ERCC6L2: variants seen among roughly 807,000 people sequenced by gnomAD.
The protein encoded by ERCC6L2 is DNA excision repair protein ERCC-6-like 2.
ERCC6L2 carries 77 observed loss-of-function variants against 132.0 expected under a neutral mutation model. The observed-to-expected ratio is 0.58, with a 90% CI of 0.49 to 0.71. The LOEUF is 0.71. ERCC6L2 is among the 30% of genes least tolerant of loss of function. The pLI is 0.00. For missense variants in ERCC6L2, 1,542 were observed against 1,837.6 expected (o/e 0.84, Z 2.94); for synonymous variants, 583 against 632.4 (o/e 0.92, Z 1.17).
At chr9:95,922,720 T>C (rs938413220) in intron 8 of ERCC6L2, among the ~76,000 whole-genome samples, 1 of 152,160 alleles carries the variant, frequency 6.6e-6, no homozygotes, top group South Asian at 2.1e-4. Context: ...GTTCTATTCC[T>C]CTAATAATGT....
intron 17 of ERCC6L2, among the ~76,000 whole-genome samples, chr9:96,003,198 A>AT (rs1833749019): frequency 6.6e-6 from 1 of 152,098 alleles, no homozygotes; most frequent in Non-Finnish European, 1.5e-5. Flanking sequence ...GCTCAATTTC[A>AT]TGATGGTAGG....
chr9:95,983,612 A>G (rs767706046), intron 17 of ERCC6L2, among the ~76,000 whole-genome samples: 111 of 152,336 alleles, frequency 7.3e-4, no homozygotes, highest in Admixed American at 1.8e-3. Context: ...TCTGAAAACC[A>G]TAGTATCAAT....
chr9:95,960,049 G>T (rs1214621115), intron 13 of ERCC6L2, among the ~76,000 whole-genome samples: 1 of 151,990 alleles, frequency 6.6e-6, no homozygotes, highest in Non-Finnish European at 1.5e-5. Context: ...TATCCCATTT[G>T]GACCAAATTA....
chr9:95,973,674 A>G (rs570994751), intron 16 of ERCC6L2, among the ~76,000 whole-genome samples: 1 of 152,248 alleles, frequency 6.6e-6, no homozygotes, highest in South Asian at 2.1e-4. Context: ...TGCCCCCATC[A>G]TTCAGTTACC....
intron 17 of ERCC6L2, among the ~76,000 whole-genome samples, chr9:95,989,357 G>T (rs535876512): frequency 4.9e-4 from 75 of 152,280 alleles, no homozygotes; most frequent in African/African-American, 1.8e-3. Flanking sequence ...CTCCTAGGGG[G>T]CTGCCAGCCA....
At chr9:96,026,908 CAA>C (rs1217135334) in intron 19 of ERCC6L2, among the ~76,000 whole-genome samples, 2 of 118,266 alleles carry the variant, frequency 1.7e-5, no homozygotes, top group Admixed American at 8.5e-5. Flanking sequence ...CACACTACAC[CAA>C]ACACACCACA....
chr9:95,958,724 A>T (rs550147833), intron 13 of ERCC6L2, among the ~76,000 whole-genome samples: 355 of 152,258 alleles, frequency 2.3e-3, no homozygotes, highest in Non-Finnish European at 4.1e-3. Context: ...GCATTCTCAT[A>T]CACCAATAAC....
intron 2 of ERCC6L2, among the ~76,000 whole-genome samples, chr9:95,888,101 CTT>C (rs1480709066): frequency 1.4e-5 from 2 of 144,762 alleles, no homozygotes; most frequent in South Asian, 4.6e-4. Flanking sequence ...AGCAAAAATA[CTT>C]TTGAAGTGTG....
At chr9:95,907,855 A>ACACACAC (rs1268642228) in intron 4 of ERCC6L2, among the ~76,000 whole-genome samples, 5 of 103,676 alleles carry the variant, frequency 4.8e-5, no homozygotes, top group African/African-American at 1.5e-4. Flanking sequence ...ACACACACAC[A>ACACACAC]CCCCCACACC....
At position 96,016,980 on chromosome 9, in the gene ERCC6L2, G is replaced by T. The variant is rs1340059808; in HGVS notation, c.*3777G>T. 6.6e-6 allele frequency among the ~76,000 whole-genome samples: 1 copy of T among 152,148 alleles called. No homozygotes were observed. Among genetic ancestry groups the T allele is most frequent in the Non-Finnish European group, 1.5e-5 (1 of 68,032 alleles). ...CAAATCCAGCTAACAGTGGATCTAGGATCTAGGCCTCACCGAGGATGTCAC... is the reference window on the plus strand; with the variant it reads ...CAAATCCAGCTAACAGTGGATCTAGTATCTAGGCCTCACCGAGGATGTCAC... On this transcript the variant is annotated 3_prime_UTR_variant, in exon 19 of 19. Coordinates refer to ENST00000653738, the MANE Select transcript of ERCC6L2 (RefSeq NM_020207.7).
Position 95,928,750 on chromosome 9 carries a change from C to T in ERCC6L2, c.1637C>T (p.Ala546Val), listed in dbSNP as rs538392483. The change falls in exon 11 of 19, where the codon GCG (alanine) becomes GTG (valine). Residue 546 changes from alanine (A) to valine (V), a missense_variant. By Grantham distance (64) the Ala-to-Val change is moderately conservative. Transcript: ENST00000653738. ...LLDVLQQYCM[A>V]SGLDYRRLDG... Reference sequence around the variant, plus strand: ...GACGTGCTACAGCAGTACTGTATGGCGTCTGGGCTTGATTACCGACGACTT... The same window carrying T: ...GACGTGCTACAGCAGTACTGTATGGTGTCTGGGCTTGATTACCGACGACTT... The T allele has an allele frequency of 2.6e-4, 418 of 1,612,742 alleles. 5 individuals carry two copies. The South Asian group carries it at 4.3e-3, about 17-fold the overall frequency.
In ERCC6L2 at chr9:96,029,819, C is replaced by T. The variant is rs558555242; in HGVS notation, c.*1504-9057C>T. Among the ~76,000 whole-genome samples, 7 of 152,300 alleles carry T rather than the reference C, an allele frequency of 4.6e-5. No homozygotes were observed. The East Asian group carries it at 1.3e-3, about 29-fold the overall frequency. On this transcript the variant is annotated intron_variant and NMD_transcript_variant, in intron 19 of 20. Coordinates refer to the ERCC6L2 transcript ENST00000670016. ...TTCTACTGATTTTATGCTGCTTCAT[C>T]CTTGGGGCCTTGTGGTCTTAGGAAG...
At chr9:95,894,135 C>CT (rs1484830979) in intron 2 of ERCC6L2, among the ~76,000 whole-genome samples, 2 of 152,190 alleles carry the variant, frequency 1.3e-5, no homozygotes, top group African/African-American at 4.8e-5. Flanking sequence ...GCAGAATCAT[C>CT]TAACACAATG....
At chr9:95,963,064 ACAT>A (rs1405651709) in intron 13 of ERCC6L2, among the ~76,000 whole-genome samples, 1 of 152,162 alleles carries the variant, frequency 6.6e-6, no homozygotes, top group Non-Finnish European at 1.5e-5. Context: ...AAAAATATAA[ACAT>A]CACTTTTACA....
intron 13 of ERCC6L2, among the ~76,000 whole-genome samples, chr9:95,956,535 G>A (rs1052211703): frequency 2.0e-5 from 3 of 152,176 alleles, no homozygotes; most frequent in African/African-American, 7.2e-5. Context: ...CCAAGACTGG[G>A]TAATTTATAA....
intron 3 of ERCC6L2, among the ~76,000 whole-genome samples, chr9:95,900,309 G>A (rs1828703686): frequency 6.6e-6 from 1 of 151,916 alleles, no homozygotes; most frequent in South Asian, 2.1e-4. Context: ...AATCGCATGA[G>A]CCCAGGAGTT....
In ERCC6L2 at chr9:96,015,295, C is replaced by T. The variant is rs1834161873; in HGVS notation, c.*2092C>T. On this transcript the variant is annotated 3_prime_UTR_variant, in exon 19 of 19. Transcript: ENST00000653738. ...TCCGCCCCCCGAGTCAAGCAATTCT[C>T]CTGCCTCAGCCTCCCGAGTAGCTGG... Among the ~76,000 whole-genome samples the T allele has an allele frequency of 6.6e-6, 1 of 150,512 alleles. No homozygotes were observed. Among genetic ancestry groups the T allele is most frequent in the Non-Finnish European group, 1.5e-5 (1 of 67,698 alleles).
At position 96,004,642 on chromosome 9, in the gene ERCC6L2, A is replaced by G. The variant is rs1484400501; in HGVS notation, c.3615A>G (p.Lys1205=). Residue 1205 remains lysine, a synonymous_variant, in exon 18 of 19, where the codon AAA becomes AAG. Transcript: ENST00000653738. The stretch of plus-strand genomic sequence containing the variant: ...ATCCTGTAAACCAGAAGAAGAAAAA[A>G]GTCTACCATACAAACCAGACCACCT... ...ISNPVNQKKK[K]VYHTNQTTFI... is the part of the protein sequence containing the mutation. 7.5e-7 allele frequency: 1 copy of G among 1,335,608 alleles called. No homozygotes were observed. The highest frequency in any genetic ancestry group is 1.0e-6 in the Non-Finnish European group (1 of 1,004,648). The allele number at this position is 1,335,608 out of a possible 1,614,324, so 82.7% of individuals were successfully genotyped here. A position where few individuals can be genotyped will look rare whatever the true frequency, so the allele number is the denominator to read the frequency against.
chr9:95,995,190 C>A (rs1833432193), intron 17 of ERCC6L2, among the ~76,000 whole-genome samples: 1 of 152,066 alleles, frequency 6.6e-6, no homozygotes, highest in Non-Finnish European at 1.5e-5. Flanking sequence ...TTTTACTTAC[C>A]CTTTCATATC....
Sources: gnomAD v4.1 joint callset for allele counts (sites outside exome capture counted in the v4.1 genomes callset) on GRCh38, gnomAD v4.1.1 for gene constraint, MANE v1.5 for transcripts, NCBI Gene and HGNC (gene_info 2026-07-23, HGNC 2026-07-21) for gene names.